The following PTPRD variants were observed in gnomAD, a reference collection of about 807,000 sequenced individuals.
PTPRD encodes receptor-type tyrosine-protein phosphatase delta.
In PTPRD, 34 loss-of-function variants were observed where a neutral mutation model predicts 214.5. That is an observed-to-expected ratio of 0.16 (90% CI 0.12 to 0.21). PTPRD has a LOEUF of 0.21. Ranked by LOEUF, PTPRD falls within the 10% of genes least tolerant of loss-of-function variation. The pLI is 1.00. For missense variants in PTPRD, 2,545 were observed against 2,398.7 expected (o/e 1.06, Z -1.27); for synonymous variants, 1,128 against 845.7 (o/e 1.33, Z -5.79).
chr9:9,334,737 G>A (rs1200633180), intron 9 of PTPRD, among the ~76,000 whole-genome samples: 1 of 151,808 alleles, frequency 6.6e-6, no homozygotes, highest in Non-Finnish European at 1.5e-5. Flanking sequence ...ATACATATTA[G>A]TGTCTATTAT....
chr9:9,380,075 G>A (rs2061778438), intron 9 of PTPRD, among the ~76,000 whole-genome samples: 1 of 151,964 alleles, frequency 6.6e-6, no homozygotes, highest in African/African-American at 2.4e-5. Context: ...GCGAGATAGG[G>A]AATCCTTTCT....
intron 11 of PTPRD, among the ~76,000 whole-genome samples, chr9:8,942,160 T>C (rs2099037966): frequency 6.6e-6 from 1 of 152,210 alleles, no homozygotes; most frequent in African/African-American, 2.4e-5. Context: ...TTTGCTGAAA[T>C]TAGAGTCTGG....
At chr9:9,145,954 AT>A (rs1311169147) in intron 10 of PTPRD, among the ~76,000 whole-genome samples, 1 of 152,216 alleles carries the variant, frequency 6.6e-6, no homozygotes, top group Non-Finnish European at 1.5e-5. Context: ...CTAACTGAAG[AT>A]GTCCTTCATG....
At chr9:9,476,126 G>A (rs10977804) in intron 8 of PTPRD, among the ~76,000 whole-genome samples, 1 of 152,080 alleles carries the variant, frequency 6.6e-6, no homozygotes, top group Non-Finnish European at 1.5e-5. Context: ...AACAGGCGTA[G>A]TGATATGTCT....
chr9:8,813,195 G>T (rs565779844), intron 11 of PTPRD, among the ~76,000 whole-genome samples: 1 of 152,120 alleles, frequency 6.6e-6, no homozygotes, highest in South Asian at 2.1e-4. Flanking sequence ...TGACCTGGAG[G>T]GTAGAATAAT....
chr9:8,479,783 T>C (rs1245619845), intron 30 of PTPRD, among the ~76,000 whole-genome samples: 1 of 152,214 alleles, frequency 6.6e-6, no homozygotes, highest in Admixed American at 6.5e-5. Context: ...GAATATACTA[T>C]ACTATTTTCC....
intron 2 of PTPRD, among the ~76,000 whole-genome samples, chr9:10,399,833 G>C (rs1236382386): frequency 6.6e-6 from 1 of 151,818 alleles, no homozygotes; most frequent in African/African-American, 2.4e-5. Flanking sequence ...AAACCTACAA[G>C]TGGTGGGAAG....
At chr9:8,564,895 A>G (rs534964295) in intron 14 of PTPRD, among the ~76,000 whole-genome samples, 1 of 152,278 alleles carries the variant, frequency 6.6e-6, no homozygotes, top group Non-Finnish European at 1.5e-5. Context: ...ATAAATATTA[A>G]TCCATGCTAG....
At chr9:8,903,397 T>C (rs941871089) in intron 11 of PTPRD, among the ~76,000 whole-genome samples, 2 of 152,166 alleles carry the variant, frequency 1.3e-5, no homozygotes, top group Non-Finnish European at 2.9e-5. Flanking sequence ...CTTTTAGTCA[T>C]CCATTAGCAT....
chr9:8,708,719 G>A (rs1258733020), intron 12 of PTPRD, among the ~76,000 whole-genome samples: 1 of 144,848 alleles, frequency 6.9e-6, no homozygotes, highest in Non-Finnish European at 1.5e-5. Context: ...GCTACCATGT[G>A]ATCCAGCAAT....
intron 3 of PTPRD, among the ~76,000 whole-genome samples, chr9:10,219,817 A>C (rs1451292475): frequency 2.0e-5 from 3 of 151,626 alleles, no homozygotes. Flanking sequence ...CCCTTGTTTT[A>C]CTATTTTGTG....
chr9:9,422,404 C>T (rs995266387), intron 8 of PTPRD, among the ~76,000 whole-genome samples: 1 of 152,026 alleles, frequency 6.6e-6, no homozygotes, highest in Non-Finnish European at 1.5e-5. Context: ...TTGTAGTAGA[C>T]CAATCACCTG....
At chr9:10,253,994 A>G (rs2093021602) in intron 3 of PTPRD, among the ~76,000 whole-genome samples, 1 of 152,208 alleles carries the variant, frequency 6.6e-6, no homozygotes, top group Admixed American at 6.5e-5. Flanking sequence ...CTATAGCAAT[A>G]CATATGTAAT....
intron 3 of PTPRD, among the ~76,000 whole-genome samples, chr9:10,038,640 A>G (rs1165387624): frequency 6.6e-6 from 1 of 152,154 alleles, no homozygotes; most frequent in Non-Finnish European, 1.5e-5. Flanking sequence ...AATAATTATT[A>G]GAGTTGGGAC....
chr9:9,917,188 G>A (rs1247125145), intron 5 of PTPRD, among the ~76,000 whole-genome samples: 5 of 140,712 alleles, frequency 3.6e-5, no homozygotes, highest in African/African-American at 1.3e-4. Flanking sequence ...TAGCAAGGAA[G>A]AATAAAGATC....
chr9:9,951,472 G>T (rs958596667), intron 4 of PTPRD, among the ~76,000 whole-genome samples: 1 of 152,272 alleles, frequency 6.6e-6, no homozygotes, highest in East Asian at 1.9e-4. Flanking sequence ...TATGTCCTAG[G>T]GAGGGACACT....
intron 14 of PTPRD, among the ~76,000 whole-genome samples, chr9:8,565,013 C>T (rs2088337068): frequency 6.6e-6 from 1 of 152,116 alleles, no homozygotes; most frequent in African/African-American, 2.4e-5. Flanking sequence ...ACAAAAGCTC[C>T]TTCATTGAAA....
chr9:10,117,193 A>C (rs1436905115), intron 3 of PTPRD, among the ~76,000 whole-genome samples: 4 of 152,154 alleles, frequency 2.6e-5, no homozygotes, highest in Non-Finnish European at 5.9e-5. Context: ...GATATGTAAA[A>C]GTAAATGGCA....
intron 4 of PTPRD, among the ~76,000 whole-genome samples, chr9:10,029,072 A>T (rs2096992534): frequency 6.6e-6 from 1 of 152,218 alleles, no homozygotes; most frequent in African/African-American, 2.4e-5. Flanking sequence ...CCATGGCTTC[A>T]GAGGGTGCAA....
Sources: allele counts gnomAD v4.1 joint callset (sites outside exome capture counted in the v4.1 genomes callset), GRCh38; gene constraint gnomAD v4.1.1; transcripts MANE v1.5; gene names NCBI Gene and HGNC (gene_info 2026-07-23, HGNC 2026-07-21).